Variants in AKAP13 observed in about 807,000 individuals in gnomAD.
The protein encoded by AKAP13 is A-kinase anchoring protein 13.
AKAP13 carries 80 observed loss-of-function variants against 264.5 expected under a neutral mutation model. That is an observed-to-expected ratio of 0.30 (90% CI 0.25 to 0.36). The LOEUF (loss-of-function observed/expected upper bound fraction) is 0.36. Ranked by LOEUF, AKAP13 falls within the 10% of genes least tolerant of loss-of-function variation. AKAP13 has a pLI of 1.00. For synonymous variants in AKAP13, 1,380 were observed against 1,250.2 expected (o/e 1.10, Z -2.19); for missense variants, 3,712 against 3,435.2 (o/e 1.08, Z -2.01).
At chr15:85,661,605 C>T (rs1443549822) in intron 12 of AKAP13, among the ~76,000 whole-genome samples, 1 of 151,964 alleles carries the variant, frequency 6.6e-6, no homozygotes, top group African/African-American at 2.4e-5. Flanking sequence ...CCTGTAATCC[C>T]AGCTACTCGG....
At chr15:85,571,984 C>T in intron 5 of AKAP13, among the ~76,000 whole-genome samples, 1 of 152,128 alleles carries the variant, frequency 6.6e-6, no homozygotes, top group East Asian at 1.9e-4. Context: ...GCACATTCCT[C>T]TGGAAGGTGA....
chr15:85,427,834 G>T, intron 1 of AKAP13, among the ~76,000 whole-genome samples: 1 of 152,184 alleles, frequency 6.6e-6, no homozygotes, highest in East Asian at 1.9e-4. Flanking sequence ...TTGCTAAGTT[G>T]ATCTTGAATT....
chr15:85,733,637 C>A (rs2088207309), intron 30 of AKAP13, among the ~76,000 whole-genome samples: 1 of 152,060 alleles, frequency 6.6e-6, no homozygotes, highest in Admixed American at 6.5e-5. Flanking sequence ...TGGTCACTTT[C>A]TTTTAATACT....
intron 1 of AKAP13, among the ~76,000 whole-genome samples, chr15:85,470,405 C>G (rs1277825984): frequency 1.3e-5 from 2 of 152,172 alleles, no homozygotes; most frequent in African/African-American, 2.4e-5. Flanking sequence ...AAGAGTTGTG[C>G]CTGATTCTGT....
chr15:85,522,410 C>G (rs773989263), intron 3 of AKAP13, among the ~76,000 whole-genome samples: 19 of 152,168 alleles, frequency 1.2e-4, no homozygotes, highest in Admixed American at 4.6e-4. Context: ...TGGCCTGTGT[C>G]CTAACTGTGA....
chr15:85,408,263 T>G (rs75353885), intron 1 of AKAP13, among the ~76,000 whole-genome samples: 1 of 151,930 alleles, frequency 6.6e-6, no homozygotes, highest in African/African-American at 2.4e-5. Flanking sequence ...ATGCCAGTAA[T>G]TGATATTTTA....
chr15:85,437,542 C>T (rs1379903619), intron 1 of AKAP13, among the ~76,000 whole-genome samples: 1 of 151,702 alleles, frequency 6.6e-6, no homozygotes, highest in Admixed American at 6.6e-5. Context: ...GACCAATATC[C>T]TTGATGAACA....
chr15:85,603,610 T>A (rs1203601504), intron 8 of AKAP13, among the ~76,000 whole-genome samples: 3 of 152,218 alleles, frequency 2.0e-5, no homozygotes, highest in African/African-American at 7.2e-5. Context: ...TCTCTGAAGA[T>A]TACTTGTACA....
intron 1 of AKAP13, among the ~76,000 whole-genome samples, chr15:85,445,291 A>G (rs563963733): frequency 2.7e-4 from 41 of 152,300 alleles, no homozygotes; most frequent in African/African-American, 9.6e-4. Context: ...TACCACTGAA[A>G]GGGGCTTCAT....
In AKAP13 at chr15:85,515,814, T is replaced by C. The variant is rs2076580571; in HGVS notation, c.34-5614T>C. 3.6e-5 allele frequency among the ~76,000 whole-genome samples: 5 copies of C among 138,086 alleles called. 2 individuals carry two copies. Among genetic ancestry groups the C allele is most frequent in the Admixed American group, 2.9e-4 (4 of 13,762 alleles). 90.6% of individuals were successfully genotyped at this position (138,086 alleles called of 152,430 possible). A position where few individuals can be genotyped will look rare whatever the true frequency, so the allele number is the denominator to read the frequency against. On this transcript the variant is annotated intron_variant, in intron 2 of 36. Transcript: ENST00000394518. The stretch of plus-strand genomic sequence containing the variant: ...GTGCATGCTATGTGAAATGTGATGT[T>C]AGCTTATTTCTCTATGGTTATTTTT...
At chr15:85,382,343 G>C (rs7179245) in intron 1 of AKAP13, among the ~76,000 whole-genome samples, 35,424 of 152,118 alleles carry the variant, frequency 0.23, 5,503 homozygotes, top group African/African-American at 0.43. Flanking sequence ...TGGGCCTTGT[G>C]TTATAAAACC....
chr15:85,408,308 C>A (rs1020703857), intron 1 of AKAP13, among the ~76,000 whole-genome samples: 2 of 151,778 alleles, frequency 1.3e-5, no homozygotes, highest in Non-Finnish European at 2.9e-5. Context: ...GGTAAACACA[C>A]ATACCATAAA....
intron 5 of AKAP13, among the ~76,000 whole-genome samples, chr15:85,561,838 C>T (rs1354859264): frequency 4.6e-5 from 7 of 152,342 alleles, no homozygotes; most frequent in South Asian, 4.1e-4. Flanking sequence ...CTACTAACTT[C>T]TGTACCCATA....
rs748298509 is a variant in AKAP13 at position 85,581,893 on chromosome 15, C to T, written c.3825C>T (p.Ala1275=). 1.9e-6 allele frequency: 3 copies of T among 1,614,076 alleles called. No individual in the cohort carries two copies. The highest frequency in any genetic ancestry group is 3.3e-5 in the Admixed American group (2 of 60,006). Reference sequence around the variant, plus strand: ...GAGCACTGCTTACTGAGGGGGAGGCCTGTCACATGTCACTGTCCAGCCCTG... The same window carrying T: ...GAGCACTGCTTACTGAGGGGGAGGCTTGTCACATGTCACTGTCCAGCCCTG... ...AAGALLTEGE[A]CHMSLSSPEL... Residue 1275 remains alanine, a synonymous_variant, in exon 7 of 37, where the codon GCC becomes GCT. Coordinates refer to ENST00000394518, the MANE Select transcript of AKAP13 (RefSeq NM_007200.5).
intron 1 of AKAP13, among the ~76,000 whole-genome samples, chr15:85,465,279 G>T (rs2074687709): frequency 6.6e-6 from 1 of 151,956 alleles, no homozygotes; most frequent in Non-Finnish European, 1.5e-5. Flanking sequence ...TAACCTTGCT[G>T]TATATATCTG....
At chr15:85,499,867 A>G (rs1021499668) in intron 2 of AKAP13, among the ~76,000 whole-genome samples, 1 of 151,896 alleles carries the variant, frequency 6.6e-6, no homozygotes, top group African/African-American at 2.4e-5. Context: ...TCCGTTTATT[A>G]TGTTCCTTGA....
chr15:85,733,955 C>G lies in AKAP13; in HGVS notation c.7283-1037C>G, dbSNP rs568718919. 2.0e-4 allele frequency among the ~76,000 whole-genome samples: 29 copies of G among 147,286 alleles called. No homozygotes were observed. The East Asian group carries it at 5.1e-3, about 26-fold the overall frequency. On this transcript the variant is annotated intron_variant, in intron 30 of 36. Coordinates refer to ENST00000394518, the MANE Select transcript of AKAP13 (RefSeq NM_007200.5). ...TGCAATGGTGCGATCTTGGCTCAGCCTCAGCCTCCTGAGTAGCTGGGTTTA... is the reference window on the plus strand; with the variant it reads ...TGCAATGGTGCGATCTTGGCTCAGCGTCAGCCTCCTGAGTAGCTGGGTTTA...
intron 31 of AKAP13, 122 bp from the exon 32 acceptor site, chr15:85,735,438 C>A (rs2088384080): frequency 2.8e-6 from 3 of 1,058,736 alleles, no homozygotes; most frequent in East Asian, 2.5e-5. Context: ...GCAGCTCCCC[C>A]TTTTTGGGGG....
At position 85,714,828 on chromosome 15, in the gene AKAP13, A is replaced by T. The variant is rs529015699; in HGVS notation, c.5600-960A>T. 2.6e-5 allele frequency among the ~76,000 whole-genome samples: 4 copies of T among 152,142 alleles called. No homozygotes were observed. The East Asian group carries it at 7.7e-4, about 29-fold the overall frequency. On this transcript the variant is annotated intron_variant, in intron 19 of 36. Coordinates refer to ENST00000394518, the MANE Select transcript of AKAP13 (RefSeq NM_007200.5). ...TTAAAAATACAAAAATTAGCCAGGC[A>T]TGGTGGCGGGTGCCTGTAATCCCAG...
Sources: allele counts gnomAD v4.1 joint callset (sites outside exome capture counted in the v4.1 genomes callset), GRCh38; gene constraint gnomAD v4.1.1; transcripts MANE v1.5; gene names NCBI Gene and HGNC (gene_info 2026-07-23, HGNC 2026-07-21).